The following HERC4 variants were observed in gnomAD, a reference collection of about 807,000 sequenced individuals.
HERC4 encodes the protein HECT and RLD domain containing E3 ubiquitin protein ligase 4, also known as probable E3 ubiquitin-protein ligase HERC4.
Under a neutral mutation model 124.3 loss-of-function variants are expected in HERC4, and 28 were observed. The observed-to-expected ratio is 0.23, with a 90% CI of 0.17 to 0.31. The LOEUF (loss-of-function observed/expected upper bound fraction) is 0.31, where lower values mean the gene tolerates loss of function less well. Ranked by LOEUF, HERC4 falls within the 10% of genes least tolerant of loss-of-function variation. HERC4 has a pLI of 1.00. For synonymous variants in HERC4, 407 were observed against 421.5 expected (o/e 0.97, Z 0.42); for missense variants, 713 against 1,229.3 (o/e 0.58, Z 6.28).
intron 15 of HERC4, among the ~76,000 whole-genome samples, chr10:67,983,382 A>G (rs571319720): frequency 7.9e-5 from 12 of 152,194 alleles, no homozygotes; most frequent in Non-Finnish European, 1.5e-4. Flanking sequence ...GCTACCCAAA[A>G]GAAACGAAAG....
intron 15 of HERC4, among the ~76,000 whole-genome samples, chr10:67,981,941 T>C (rs1258964438): frequency 1.3e-5 from 2 of 151,822 alleles, no homozygotes; most frequent in Non-Finnish European, 2.9e-5. Context: ...TGAAACTCCA[T>C]CTCAAAAGAA....
intron 24 of HERC4, among the ~76,000 whole-genome samples, chr10:67,923,494 TTTTCTA>T (rs1424432354): frequency 6.6e-6 from 1 of 152,178 alleles, no homozygotes; most frequent in African/African-American, 2.4e-5. Flanking sequence ...TATGATTTCT[TTTTCTA>T]TTTGCTTCGT....
intron 3 of HERC4, among the ~76,000 whole-genome samples, chr10:68,059,479 T>C (rs1030454561): frequency 3.7e-4 from 47 of 128,652 alleles, no homozygotes; most frequent in Middle Eastern, 7.8e-3. Flanking sequence ...TATATTATAA[T>C]ATTATATATT....
chr10:68,070,369 G>A, intron 3 of HERC4: 7 of 731,090 alleles, frequency 9.6e-6, no homozygotes, highest in Non-Finnish European at 1.2e-5. Flanking sequence ...CACTTCGGGA[G>A]GCCAAGGCAG....
chr10:67,935,184 C>T (rs910799906), intron 22 of HERC4, among the ~76,000 whole-genome samples: 1 of 148,544 alleles, frequency 6.7e-6, no homozygotes, highest in Non-Finnish European at 1.5e-5. Flanking sequence ...CTCGCTCTGT[C>T]GCCCAGGCTG....
intron 9 of HERC4, among the ~76,000 whole-genome samples, chr10:67,997,379 C>T (rs1379403608): frequency 1.3e-5 from 2 of 152,172 alleles, no homozygotes; most frequent in East Asian, 3.8e-4. Context: ...AGGCTCCTGA[C>T]TTACAAAAGA....
chr10:67,987,722 A>C (rs952025413), intron 15 of HERC4, among the ~76,000 whole-genome samples: 1 of 152,168 alleles, frequency 6.6e-6, no homozygotes, highest in Admixed American at 6.5e-5. Context: ...ACCAAAGAAA[A>C]AAGTAAGTCC....
At chr10:67,989,337 T>C (rs970059450) in intron 14 of HERC4, among the ~76,000 whole-genome samples, 7 of 152,044 alleles carry the variant, frequency 4.6e-5, no homozygotes, top group Non-Finnish European at 1.0e-4. Flanking sequence ...ATGTAAAGTG[T>C]AACATATGGG....
chr10:67,987,466 A>G (rs1406185815), intron 15 of HERC4, among the ~76,000 whole-genome samples: 1 of 152,202 alleles, frequency 6.6e-6, no homozygotes, highest in Admixed American at 6.5e-5. Flanking sequence ...GAAACAATCT[A>G]ATTAATCTCT....
At chr10:68,067,794 C>T (rs943485869) in intron 3 of HERC4, 1 of 152,152 alleles carries the variant, frequency 6.6e-6, no homozygotes, top group Admixed American at 6.5e-5. Flanking sequence ...AAGAGTTCAA[C>T]ATAAACCACA....
intron 4 of HERC4, 98 bp from the exon 5 acceptor site, chr10:68,038,267 CATAG>C (rs1229840584): frequency 4.1e-6 from 2 of 484,936 alleles, no homozygotes; most frequent in African/African-American, 4.1e-5. Flanking sequence ...ACTATATGCA[CATAG>C]GTCATATTAT....
chr10:67,941,069 C>T lies in HERC4; in HGVS notation c.2374G>A (p.Val792Ile), dbSNP rs996530912. ...EDSDLFHLIG[V>I]ICGLAIYNCT... ...TTATAAATTGCTAAGCCACAGATAA[C>T]ACCAATCAAATGGAACAAATCACTG... Residue 792 changes from valine to isoleucine, a missense_variant, in exon 20 of 25, where the codon GTT (valine) becomes ATT (isoleucine). By Grantham distance (29) the Val-to-Ile change is conservative (BLOSUM62 3). Coordinates refer to ENST00000373700, the MANE Select transcript of HERC4 (RefSeq NM_015601.4). 6.2e-7 allele frequency: 1 copy of T among 1,601,310 alleles called. No individual in the cohort carries two copies. The highest frequency in any genetic ancestry group is 1.1e-5 in the South Asian group (1 of 86,972).
chr10:67,947,563 A>T (rs1310072581), intron 19 of HERC4, among the ~76,000 whole-genome samples: 1 of 152,156 alleles, frequency 6.6e-6, no homozygotes, highest in Admixed American at 6.5e-5. Context: ...AAAGATCAAT[A>T]AGGAAATAGA....
At chr10:68,039,379 T>C in intron 4 of HERC4, 3 of 1,532,270 alleles carry the variant, frequency 2.0e-6, no homozygotes, top group Non-Finnish European at 2.6e-6. Flanking sequence ...GTACACAATA[T>C]GTTTCTTATT....
At chr10:68,001,732 C>T (rs1450529799) in intron 9 of HERC4, among the ~76,000 whole-genome samples, 2 of 152,158 alleles carry the variant, frequency 1.3e-5, no homozygotes, top group African/African-American at 2.4e-5. Context: ...ACCCTCCTCC[C>T]TCTAGGAACT....
intron 5 of HERC4, among the ~76,000 whole-genome samples, chr10:68,035,736 A>G (rs2039427235): frequency 6.6e-6 from 1 of 151,980 alleles, no homozygotes; most frequent in African/African-American, 2.4e-5. Flanking sequence ...ATATTCTCCA[A>G]TGGCCAGTTC....
chr10:67,991,349 T>C lies in HERC4; in HGVS notation c.1272-150A>G. 9.3e-6 allele frequency: 4 copies of C among 428,062 alleles called. No homozygotes were observed. In the East Asian group the frequency reaches 1.1e-4, roughly 12 times the overall value. 26.5% of individuals were successfully genotyped at this position (428,062 alleles called of 1,614,324 possible). A position where few individuals can be genotyped will look rare whatever the true frequency, so the allele number is the denominator to read the frequency against. ...CCCAATTAGATGAATCAGAATTACA[T>C]AAATTGCTAAAGACTGATAAAATAA... On this transcript the variant is annotated intron_variant, in intron 11 of 24. Coordinates refer to ENST00000373700, the MANE Select transcript of HERC4 (RefSeq NM_015601.4).
chr10:67,979,805 C>T (rs1369939126), intron 15 of HERC4, among the ~76,000 whole-genome samples: 11 of 151,980 alleles, frequency 7.2e-5, no homozygotes, highest in South Asian at 2.1e-4. Flanking sequence ...GGTGTGGCGG[C>T]GGGCACCTGT....
intron 23 of HERC4, among the ~76,000 whole-genome samples, chr10:67,926,429 A>AAAAAC (rs1554895144): frequency 6.7e-6 from 1 of 150,210 alleles, no homozygotes; most frequent in East Asian, 1.9e-4. Flanking sequence ...AAAAAAAAAA[A>AAAAAC]AACAAAAAAA....
Sources: allele counts gnomAD v4.1 joint callset (sites outside exome capture counted in the v4.1 genomes callset), GRCh38; gene constraint gnomAD v4.1.1; transcripts MANE v1.5; gene names NCBI Gene and HGNC (gene_info 2026-07-23, HGNC 2026-07-21).